Variants in KCNH7 observed in about 807,000 individuals in gnomAD.
KCNH7 encodes voltage-gated inwardly rectifying potassium channel KCNH7.
A neutral mutation model predicts 120.8 loss-of-function variants in KCNH7; 49 were observed. The observed-to-expected ratio is 0.41, with a 90% CI of 0.32 to 0.51. KCNH7 has a LOEUF of 0.51. Ranked by LOEUF, KCNH7 falls within the 20% of genes least tolerant of loss-of-function variation. The probability of loss-of-function intolerance (pLI) is 0.38; values close to 1 mark genes in which losing one functional copy is unlikely to be tolerated. For missense variants in KCNH7, 1,097 were observed against 1,446.6 expected (o/e 0.76, Z 3.92); for synonymous variants, 547 against 516.1 (o/e 1.06, Z -0.81).
intron 2 of KCNH7, among the ~76,000 whole-genome samples, chr2:162,832,560 T>C (rs1229746308): frequency 6.6e-6 from 1 of 152,042 alleles, no homozygotes; most frequent in Non-Finnish European, 1.5e-5. Context: ...AATACTCTTT[T>C]TCCATTAAAA....
chr2:162,523,544 TTC>T (rs550349360), intron 3 of KCNH7, among the ~76,000 whole-genome samples: 6 of 149,276 alleles, frequency 4.0e-5, no homozygotes, highest in East Asian at 2.0e-4. Flanking sequence ...CTCTCCCTCT[TTC>T]TCTCTCTCTC....
intron 2 of KCNH7, among the ~76,000 whole-genome samples, chr2:162,802,723 G>T (rs913441933): frequency 4.0e-5 from 6 of 151,582 alleles, no homozygotes; most frequent in Non-Finnish European, 7.4e-5. Context: ...TTATTAATGG[G>T]ATATATTACA....
At chr2:162,783,461 T>G (rs1347243953) in intron 2 of KCNH7, among the ~76,000 whole-genome samples, 1 of 152,208 alleles carries the variant, frequency 6.6e-6, no homozygotes, top group Non-Finnish European at 1.5e-5. Context: ...GTAGGACATG[T>G]TTGGCTCAGG....
intron 2 of KCNH7, among the ~76,000 whole-genome samples, chr2:162,633,029 A>AAAGT (rs1194517204): frequency 6.6e-6 from 1 of 151,910 alleles, no homozygotes; most frequent in Admixed American, 6.6e-5. Flanking sequence ...AAGGTCACAG[A>AAAGT]AAGTAACTGC....
chr2:162,522,485 C>T lies in KCNH7; in HGVS notation c.464-4327G>A, dbSNP rs142851323. Among the ~76,000 whole-genome samples, 74 of 151,866 alleles carry T rather than the reference C, an allele frequency of 4.9e-4. 1 individual carries two copies. Among genetic ancestry groups the T allele is most frequent in the Non-Finnish European group, 9.3e-4 (63 of 67,832 alleles). ...TTTAGTTGTCTAACTGCAGTTCATC[C>T]GGAAAGAATGCACATTGAGAATTTT... On this transcript the variant is annotated intron_variant, in intron 3 of 15. Transcript: ENST00000332142.
intron 6 of KCNH7, among the ~76,000 whole-genome samples, chr2:162,458,117 G>GTGTGTA (rs1553478823): frequency 1.9e-4 from 29 of 151,852 alleles, no homozygotes; most frequent in African/African-American, 6.3e-4. Flanking sequence ...GTGTGTGTGT[G>GTGTGTA]TGTGTGTGTG....
chr2:162,548,184 C>T (rs1692543804), intron 2 of KCNH7, among the ~76,000 whole-genome samples: 1 of 151,966 alleles, frequency 6.6e-6, no homozygotes, highest in Non-Finnish European at 1.5e-5. Flanking sequence ...CTTTTTATTC[C>T]AGTTGGCAGT....
chr2:162,488,145 C>T, intron 6 of KCNH7, among the ~76,000 whole-genome samples: 1 of 152,200 alleles, frequency 6.6e-6, no homozygotes, highest in Non-Finnish European at 1.5e-5. Context: ...CCTGAGCCAT[C>T]TTGACAACAG....
At chr2:162,440,347 A>G (rs1225711377) in intron 7 of KCNH7, among the ~76,000 whole-genome samples, 3 of 152,098 alleles carry the variant, frequency 2.0e-5, no homozygotes, top group African/African-American at 7.2e-5. Flanking sequence ...CTTTTTGTCA[A>G]TAAATATTTG....
At chr2:162,829,993 T>C (rs1324846500) in intron 2 of KCNH7, among the ~76,000 whole-genome samples, 4 of 152,168 alleles carry the variant, frequency 2.6e-5, no homozygotes, top group East Asian at 1.9e-4. Context: ...GTGTTTTCTC[T>C]GAATAAGCTA....
intron 9 of KCNH7, among the ~76,000 whole-genome samples, chr2:162,408,661 A>T (rs1687300816): frequency 6.6e-6 from 1 of 151,952 alleles, no homozygotes; most frequent in Admixed American, 6.6e-5. Flanking sequence ...CCCAACTATA[A>T]AAATAAAGAT....
chr2:162,576,340 C>T (rs979635948), intron 2 of KCNH7, among the ~76,000 whole-genome samples: 1 of 152,004 alleles, frequency 6.6e-6, no homozygotes, highest in Non-Finnish European at 1.5e-5. Flanking sequence ...ACCTTTCTAG[C>T]TTTCATTTTC....
intron 2 of KCNH7, among the ~76,000 whole-genome samples, chr2:162,834,559 C>T (rs1559155786): frequency 6.6e-6 from 1 of 151,924 alleles, no homozygotes; most frequent in South Asian, 2.1e-4. Context: ...TTTCTGAAAA[C>T]AGGGGAGTTT....
At chr2:162,535,993 C>T (rs1294771934) in intron 3 of KCNH7, among the ~76,000 whole-genome samples, 1 of 151,706 alleles carries the variant, frequency 6.6e-6, no homozygotes, top group Non-Finnish European at 1.5e-5. Flanking sequence ...GTATACTCTG[C>T]ACTATACACC....
At chr2:162,548,954 G>T (rs1178255394) in intron 2 of KCNH7, among the ~76,000 whole-genome samples, 1 of 152,172 alleles carries the variant, frequency 6.6e-6, no homozygotes, top group Non-Finnish European at 1.5e-5. Flanking sequence ...TGTACTGAAA[G>T]ATAGGGCCCA....
At chr2:162,582,515 A>AACATAC (rs1193927301) in intron 2 of KCNH7, among the ~76,000 whole-genome samples, 3 of 152,174 alleles carry the variant, frequency 2.0e-5, no homozygotes, top group East Asian at 3.9e-4. Flanking sequence ...CAAGGCCGGG[A>AACATAC]ACATACAGCG....
chr2:162,579,619 C>G (rs1021862921), intron 2 of KCNH7, among the ~76,000 whole-genome samples: 1 of 151,934 alleles, frequency 6.6e-6, no homozygotes, highest in African/African-American at 2.4e-5. Flanking sequence ...GGGATATTGG[C>G]AGATAAACTG....
chr2:162,474,976 ATTCT>A (rs2105659459), intron 6 of KCNH7, among the ~76,000 whole-genome samples: 2 of 152,322 alleles, frequency 1.3e-5, no homozygotes, highest in South Asian at 4.1e-4. Flanking sequence ...GTCAGCTCAC[ATTCT>A]TCCAGCCTTG....
At chr2:162,747,668 A>G (rs1330989473) in intron 2 of KCNH7, among the ~76,000 whole-genome samples, 1 of 152,186 alleles carries the variant, frequency 6.6e-6, no homozygotes, top group Non-Finnish European at 1.5e-5. Flanking sequence ...AATTGAATTT[A>G]AAGGCTTCCT....
Sources: allele counts gnomAD v4.1 joint callset (sites outside exome capture counted in the v4.1 genomes callset), GRCh38; gene constraint gnomAD v4.1.1; transcripts MANE v1.5; gene names NCBI Gene and HGNC (gene_info 2026-07-23, HGNC 2026-07-21).